ELMO1: variants seen among roughly 807,000 people sequenced by gnomAD.
ELMO1 encodes the protein engulfment and cell motility protein 1.
A neutral mutation model predicts 98.9 loss-of-function variants in ELMO1; 26 were observed. The observed-to-expected ratio is 0.26, with a 90% CI of 0.19 to 0.36. The LOEUF (loss-of-function observed/expected upper bound fraction) is 0.36. Among genes scored for constraint, ELMO1 ranks in the 10% least tolerant of loss-of-function variants. ELMO1 has a pLI of 1.00. For missense variants in ELMO1, 627 were observed against 935.2 expected (o/e 0.67, Z 4.30); for synonymous variants, 346 against 346.0 (o/e 1.00, Z 0.00).
At chr7:37,103,770 G>A (rs1019028560) in intron 14 of ELMO1, among the ~76,000 whole-genome samples, 1 of 151,706 alleles carries the variant, frequency 6.6e-6, no homozygotes, top group East Asian at 1.9e-4. Flanking sequence ...GCCGAGGCAG[G>A]CGGATCATGA....
At chr7:36,999,600 A>G (rs971148568) in intron 16 of ELMO1, among the ~76,000 whole-genome samples, 1 of 152,260 alleles carries the variant, frequency 6.6e-6, no homozygotes, top group Non-Finnish European at 1.5e-5. Context: ...AGAAATAGGT[A>G]CTGTGAATAA....
At chr7:37,141,960 GA>G (rs1248397820) in intron 13 of ELMO1, among the ~76,000 whole-genome samples, 1 of 152,220 alleles carries the variant, frequency 6.6e-6, no homozygotes, top group African/African-American at 2.4e-5. Context: ...ACAGTTTAAA[GA>G]GCATCGCTGT....
At chr7:37,432,576 C>T (rs546385032) in intron 1 of ELMO1, among the ~76,000 whole-genome samples, 28 of 152,260 alleles carry the variant, frequency 1.8e-4, no homozygotes, top group African/African-American at 6.3e-4. Flanking sequence ...AGCTGAAACC[C>T]CTGATAACTG....
chr7:36,925,300 G>A (rs192587739), intron 16 of ELMO1, among the ~76,000 whole-genome samples: 18 of 151,942 alleles, frequency 1.2e-4, no homozygotes, highest in Admixed American at 3.9e-4. Flanking sequence ...TCATTTTTTC[G>A]TGACTCTCTG....
intron 17 of ELMO1, among the ~76,000 whole-genome samples, chr7:36,888,693 G>C (rs1299349624): frequency 4.6e-5 from 7 of 152,216 alleles, no homozygotes; most frequent in Non-Finnish European, 1.0e-4. Context: ...AACTGAATTT[G>C]CTTTGGTGAC....
intron 15 of ELMO1, among the ~76,000 whole-genome samples, chr7:37,059,352 T>C (rs567606738): frequency 3.7e-4 from 57 of 152,330 alleles, no homozygotes; most frequent in Non-Finnish European, 6.8e-4. Context: ...GGCCAATGTG[T>C]CAGCTTTTTA....
At chr7:36,981,999 C>T (rs961350438) in intron 16 of ELMO1, among the ~76,000 whole-genome samples, 3 of 152,194 alleles carry the variant, frequency 2.0e-5, no homozygotes, top group African/African-American at 7.2e-5. Flanking sequence ...TAGTGCCACA[C>T]CATCCAGTAG....
chr7:37,337,269 C>T (rs1031158081), intron 2 of ELMO1, among the ~76,000 whole-genome samples: 2 of 152,108 alleles, frequency 1.3e-5, no homozygotes, highest in East Asian at 1.9e-4. Flanking sequence ...AGCAAACTAT[C>T]GCAGGGACAG....
At position 37,402,068 on chromosome 7, in the gene ELMO1, T is replaced by C. The variant is rs559953752; in HGVS notation, c.-74+46607A>G. The stretch of plus-strand genomic sequence containing the variant: ...GTCTTTCGTTCCCTATGAAGACTCC[T>C]GTGGCACGTAAAACTTACATCAAAT... On this transcript the variant is annotated intron_variant, in intron 1 of 21. Transcript: ENST00000310758. Among the ~76,000 whole-genome samples the C allele has an allele frequency of 5.9e-5, 9 of 152,372 alleles. No individual in the cohort carries two copies. The South Asian group carries it at 1.9e-3, about 32-fold the overall frequency.
intron 16 of ELMO1, among the ~76,000 whole-genome samples, chr7:36,930,687 A>G (rs10278553): frequency 2.0e-5 from 3 of 152,130 alleles, no homozygotes; most frequent in African/African-American, 7.2e-5. Flanking sequence ...TTTTAGAAAC[A>G]CCTCACTGAT....
At chr7:37,448,508 C>G (rs1805754128) in intron 1 of ELMO1, among the ~76,000 whole-genome samples, 167 bp downstream of exon 1, 1 of 151,980 alleles carries the variant, frequency 6.6e-6, no homozygotes, top group Non-Finnish European at 1.5e-5. Context: ...CGGCGGCCAC[C>G]CCCGCCCGAG....
chr7:37,039,526 G>A (rs114236144), intron 15 of ELMO1, among the ~76,000 whole-genome samples: 2,641 of 152,308 alleles, frequency 0.017, 22 homozygotes, highest in Middle Eastern at 0.041. Context: ...GTACTGAAAT[G>A]CTGAGAGGGC....
chr7:37,241,960 T>G (rs991286065), intron 7 of ELMO1, among the ~76,000 whole-genome samples: 12 of 152,212 alleles, frequency 7.9e-5, no homozygotes, highest in Admixed American at 2.0e-4. Flanking sequence ...GTTCTTCATA[T>G]TTTCCTACAG....
At chr7:36,935,080 T>G (rs960703943) in intron 16 of ELMO1, among the ~76,000 whole-genome samples, 1 of 152,238 alleles carries the variant, frequency 6.6e-6, no homozygotes, top group Non-Finnish European at 1.5e-5. Context: ...TCTCGAATTG[T>G]AGCTCCCATA....
chr7:37,167,896 A>G (rs1441385413), intron 13 of ELMO1, among the ~76,000 whole-genome samples: 5 of 151,766 alleles, frequency 3.3e-5, no homozygotes, highest in Non-Finnish European at 7.4e-5. Flanking sequence ...GCCTTGCTAG[A>G]TTGGGGAAGT....
intron 6 of ELMO1, among the ~76,000 whole-genome samples, chr7:37,245,740 G>A (rs1180476915): frequency 6.6e-6 from 1 of 152,092 alleles, no homozygotes; most frequent in Non-Finnish European, 1.5e-5. Flanking sequence ...CGTATTAGGG[G>A]TGGGGCAAGG....
At chr7:37,129,202 A>T (rs1786734610) in intron 14 of ELMO1, among the ~76,000 whole-genome samples, 1 of 151,960 alleles carries the variant, frequency 6.6e-6, no homozygotes, top group Non-Finnish European at 1.5e-5. Flanking sequence ...CAAGAGATAA[A>T]GCCACAGAGA....
At chr7:37,177,133 C>A (rs1284496149) in intron 13 of ELMO1, among the ~76,000 whole-genome samples, 1 of 152,214 alleles carries the variant, frequency 6.6e-6, no homozygotes, top group Non-Finnish European at 1.5e-5. Context: ...ATTAGACACT[C>A]TCAGAATGAG....
chr7:37,422,630 T>C (rs1804520129), intron 1 of ELMO1, among the ~76,000 whole-genome samples: 1 of 152,182 alleles, frequency 6.6e-6, no homozygotes, highest in East Asian at 1.9e-4. Flanking sequence ...GGTCTACAAA[T>C]AGATGAAGCA....
Sources: gnomAD v4.1 joint callset for allele counts (sites outside exome capture counted in the v4.1 genomes callset) on GRCh38, gnomAD v4.1.1 for gene constraint, MANE v1.5 for transcripts, NCBI Gene and HGNC (gene_info 2026-07-23, HGNC 2026-07-21) for gene names.